HS6ST3: variants seen among roughly 807,000 people sequenced by gnomAD.
HS6ST3 encodes heparan-sulfate 6-O-sulfotransferase 3.
Under a neutral mutation model 36.7 loss-of-function variants are expected in HS6ST3, and 12 were observed. The ratio of observed to expected loss-of-function variants is 0.33; its 90% CI spans 0.21 to 0.53. HS6ST3 has a LOEUF of 0.53. Ranked by LOEUF, HS6ST3 falls within the 20% of genes least tolerant of loss-of-function variation. The pLI is 0.95. For synonymous variants in HS6ST3, 240 were observed against 257.5 expected (o/e 0.93, Z 0.65); for missense variants, 584 against 640.9 (o/e 0.91, Z 0.96).
chr13:96,511,378 A>G (rs902098243), intron 1 of HS6ST3, among the ~76,000 whole-genome samples: 3 of 151,996 alleles, frequency 2.0e-5, no homozygotes, highest in African/African-American at 7.3e-5. Context: ...GTGCAGGAGG[A>G]TTCCCATATC....
At chr13:96,689,884 A>G (rs1442209294) in intron 1 of HS6ST3, among the ~76,000 whole-genome samples, 2 of 151,968 alleles carry the variant, frequency 1.3e-5, no homozygotes, top group East Asian at 1.9e-4. Flanking sequence ...ATTAACATTG[A>G]TAACTTAGCT....
chr13:96,195,927 T>C (rs2054310670), intron 1 of HS6ST3, among the ~76,000 whole-genome samples: 1 of 152,146 alleles, frequency 6.6e-6, no homozygotes, highest in African/African-American at 2.4e-5. Context: ...AAATATGCGC[T>C]CGATAAATGT....
intron 1 of HS6ST3, among the ~76,000 whole-genome samples, chr13:96,425,940 C>T (rs2055584579): frequency 6.6e-6 from 1 of 151,450 alleles, no homozygotes. Context: ...CTCTGTTATT[C>T]ACACACGTCT....
At chr13:96,518,230 A>G (rs796311221) in intron 1 of HS6ST3, among the ~76,000 whole-genome samples, 7 of 152,334 alleles carry the variant, frequency 4.6e-5, no homozygotes, top group African/African-American at 1.4e-4. Context: ...AATAAAAGCA[A>G]TGAGATCCAG....
intron 1 of HS6ST3, among the ~76,000 whole-genome samples, chr13:96,749,536 G>A (rs1225530316): frequency 6.6e-6 from 1 of 152,024 alleles, no homozygotes; most frequent in Non-Finnish European, 1.5e-5. Flanking sequence ...GCCCAACTTT[G>A]GAGCCAATGT....
At chr13:96,320,830 G>A (rs1036896773) in intron 1 of HS6ST3, among the ~76,000 whole-genome samples, 1 of 152,154 alleles carries the variant, frequency 6.6e-6, no homozygotes, top group Non-Finnish European at 1.5e-5. Flanking sequence ...TGTTGACTTC[G>A]GTCCTTGGGG....
At chr13:96,803,111 G>C (rs1208174001) in intron 1 of HS6ST3, among the ~76,000 whole-genome samples, 1 of 152,088 alleles carries the variant, frequency 6.6e-6, no homozygotes, top group South Asian at 2.1e-4. Flanking sequence ...TCTGGTTGTC[G>C]GAGTTACCCA....
rs533872344 is a variant in HS6ST3, at chr13:96,237,488, C to T, written c.707+145919C>T. On this transcript the variant is annotated intron_variant, in intron 1 of 1. Coordinates refer to ENST00000376705, the MANE Select transcript of HS6ST3 (RefSeq NM_153456.4). ...TTCTGTGGGACTTCCTTCTCTAACT[C>T]GTTTCTTCTCTTTGCATCATTCATC... 3.8e-4 allele frequency among the ~76,000 whole-genome samples: 58 copies of T among 152,180 alleles called. 1 individual carries two copies. In the South Asian group the frequency reaches 5.4e-3, roughly 14 times the overall value.
At chr13:96,662,401 G>A (rs1024433921) in intron 1 of HS6ST3, among the ~76,000 whole-genome samples, 12 of 151,960 alleles carry the variant, frequency 7.9e-5, no homozygotes, top group African/African-American at 2.4e-4. Context: ...TATTGTTGAA[G>A]CTTTAAAGTC....
At chr13:96,696,925 T>C (rs1875144311) in intron 1 of HS6ST3, among the ~76,000 whole-genome samples, 1 of 152,158 alleles carries the variant, frequency 6.6e-6, no homozygotes, top group Non-Finnish European at 1.5e-5. Flanking sequence ...GGCAGTCTGT[T>C]TTCTCATTCT....
intron 1 of HS6ST3, among the ~76,000 whole-genome samples, chr13:96,651,512 G>A (rs767097706): frequency 2.8e-4 from 43 of 152,048 alleles, no homozygotes; most frequent in Non-Finnish European, 5.9e-4. Context: ...TGAATCAAGC[G>A]GCCATCCATG....
intron 1 of HS6ST3, among the ~76,000 whole-genome samples, chr13:96,664,151 G>T (rs1042064541): frequency 1.3e-5 from 2 of 152,088 alleles, no homozygotes; most frequent in Admixed American, 6.6e-5. Context: ...CATTAATCAA[G>T]TTGTATAAAA....
chr13:96,626,744 T>C (rs763542755), intron 1 of HS6ST3, among the ~76,000 whole-genome samples: 7 of 152,168 alleles, frequency 4.6e-5, no homozygotes, highest in East Asian at 1.9e-4. Context: ...TACTGTTCTG[T>C]TTAAAATTCG....
intron 1 of HS6ST3, among the ~76,000 whole-genome samples, chr13:96,801,206 T>C (rs1313408135): frequency 6.6e-6 from 1 of 152,116 alleles, no homozygotes; most frequent in Non-Finnish European, 1.5e-5. Flanking sequence ...TGTGTCCTTG[T>C]TTGACTCTCC....
At chr13:96,176,003 A>G (rs2054211139) in intron 1 of HS6ST3, among the ~76,000 whole-genome samples, 1 of 151,628 alleles carries the variant, frequency 6.6e-6, no homozygotes, top group Admixed American at 6.6e-5. Flanking sequence ...AATTTTTTGT[A>G]TTTTTAGTAG....
intron 1 of HS6ST3, among the ~76,000 whole-genome samples, chr13:96,450,681 T>C (rs1307069259): frequency 6.6e-6 from 1 of 152,220 alleles, no homozygotes; most frequent in East Asian, 1.9e-4. Context: ...ATAGAAACTG[T>C]GCCTATGATT....
intron 1 of HS6ST3, among the ~76,000 whole-genome samples, chr13:96,222,999 A>G (rs1334430124): frequency 6.6e-6 from 1 of 151,088 alleles, no homozygotes; most frequent in Non-Finnish European, 1.5e-5. Flanking sequence ...TGCAGAATTT[A>G]TGATGTGCAT....
intron 1 of HS6ST3, among the ~76,000 whole-genome samples, chr13:96,116,335 T>C (rs2053894012): frequency 6.6e-6 from 1 of 152,174 alleles, no homozygotes; most frequent in African/African-American, 2.4e-5. Context: ...GTCCCATGGA[T>C]TGCCAATCAG....
intron 1 of HS6ST3, among the ~76,000 whole-genome samples, chr13:96,760,126 T>G (rs1876929210): frequency 6.6e-6 from 1 of 152,200 alleles, no homozygotes; most frequent in Admixed American, 6.5e-5. Context: ...CTATTGTATA[T>G]CTAGAAGGAA....
Sources: allele counts gnomAD v4.1 joint callset (sites outside exome capture counted in the v4.1 genomes callset), GRCh38; gene constraint gnomAD v4.1.1; transcripts MANE v1.5; gene names NCBI Gene and HGNC (gene_info 2026-07-23, HGNC 2026-07-21).